The following TMEM117 variants were observed in gnomAD, a reference collection of about 807,000 sequenced individuals.
The protein encoded by TMEM117 is transmembrane protein 117.
In TMEM117, 27 loss-of-function variants were observed where a neutral mutation model predicts 52.4. The observed-to-expected ratio is 0.51, with a 90% CI of 0.38 to 0.71. TMEM117 has a LOEUF of 0.71. Ranked by LOEUF, TMEM117 falls within the 30% of genes least tolerant of loss-of-function variation. TMEM117 has a pLI of 0.00. For synonymous variants in TMEM117, 215 were observed against 206.3 expected (o/e 1.04, Z -0.36); for missense variants, 556 against 630.5 (o/e 0.88, Z 1.26).
chr12:43,812,802 C>G, the TMEM117 span, among the ~76,000 whole-genome samples: 3 of 149,416 alleles, frequency 2.0e-5, no homozygotes, highest in African/African-American at 7.4e-5. Context: ...GGAAGGAGTT[C>G]GAGACCAGCC....
At chr12:44,114,043 G>A (rs1349972106) in intron 3 of TMEM117, among the ~76,000 whole-genome samples, 1 of 148,104 alleles carries the variant, frequency 6.8e-6, no homozygotes, top group Non-Finnish European at 1.5e-5. Flanking sequence ...CCCAGGTGAG[G>A]CAATGCCTCG....
At chr12:44,192,033 A>G (rs1246485834) in intron 4 of TMEM117, among the ~76,000 whole-genome samples, 1 of 152,216 alleles carries the variant, frequency 6.6e-6, no homozygotes, top group East Asian at 1.9e-4. Flanking sequence ...ATTAAATTTA[A>G]TGTATAAGGG....
chr12:43,884,798 T>C (rs1943961424), intron 2 of TMEM117, among the ~76,000 whole-genome samples: 1 of 152,112 alleles, frequency 6.6e-6, no homozygotes, highest in Non-Finnish European at 1.5e-5. Context: ...TAACTCACAA[T>C]CTTCCTGCAT....
intron 2 of TMEM117, among the ~76,000 whole-genome samples, chr12:43,939,280 T>A (rs1040469896): frequency 3.3e-5 from 5 of 152,144 alleles, no homozygotes; most frequent in African/African-American, 1.2e-4. Context: ...GTTGGCCAAA[T>A]CATATATAGG....
chr12:44,323,743 A>G (rs1282136381), intron 6 of TMEM117, among the ~76,000 whole-genome samples: 1 of 152,162 alleles, frequency 6.6e-6, no homozygotes, highest in Non-Finnish European at 1.5e-5. Context: ...TAGATTTCTT[A>G]CCTTATCCCA....
Position 44,388,531 on chromosome 12 carries a change from C to T in TMEM117, c.1404C>T (p.Cys468=). ...CCTTGAATGACCCTTCTTTGGTTTG[C>T]ATCAGGTCTGACTTCAATGAGATCG... The part of the protein sequence containing the change: ...EDPLNDPSLV[C]IRSDFNEIVY... Residue 468 remains cysteine (C), a synonymous_variant, in exon 8 of 8, where the codon TGC becomes TGT. Transcript: ENST00000266534. 6.2e-7 allele frequency: 1 copy of T among 1,613,590 alleles called. No homozygotes were observed. Among genetic ancestry groups the T allele is most frequent in the East Asian group, 2.2e-5 (1 of 44,852 alleles).
chr12:43,865,446 C>T (rs1033933777), intron 2 of TMEM117, among the ~76,000 whole-genome samples: 1 of 152,114 alleles, frequency 6.6e-6, no homozygotes, highest in Non-Finnish European at 1.5e-5. Flanking sequence ...CCTGTAATCC[C>T]AGCACTTTGG....
At chr12:43,806,003 C>T in the TMEM117 span, 3 of 1,529,550 alleles carry the variant, frequency 2.0e-6, no homozygotes, top group African/African-American at 1.4e-5. Context: ...TCGGATCAAT[C>T]TGCAACGTGA....
intron 2 of TMEM117, among the ~76,000 whole-genome samples, chr12:43,848,723 G>A (rs1327276258): frequency 6.6e-6 from 1 of 152,164 alleles, no homozygotes; most frequent in African/African-American, 2.4e-5. Context: ...CTCAGCTTAC[G>A]AAGATAACAG....
intron 3 of TMEM117, among the ~76,000 whole-genome samples, chr12:44,070,905 A>T (rs1947291921): frequency 6.6e-6 from 1 of 152,098 alleles, no homozygotes; most frequent in Non-Finnish European, 1.5e-5. Context: ...GCAGGCAATG[A>T]AGAAAGCCAA....
At chr12:44,130,449 C>T (rs1948396048) in intron 3 of TMEM117, among the ~76,000 whole-genome samples, 1 of 152,144 alleles carries the variant, frequency 6.6e-6, no homozygotes. Context: ...ACCACTTATA[C>T]AACTTCTCTA....
chr12:44,263,727 T>C (rs911038687), intron 5 of TMEM117: 4 of 152,328 alleles, frequency 2.6e-5, no homozygotes, highest in Middle Eastern at 3.4e-3. Context: ...AGCCATTTGA[T>C]TGATCTGCCA....
At chr12:43,900,988 A>G (rs920085783) in intron 2 of TMEM117, among the ~76,000 whole-genome samples, 8 of 152,334 alleles carry the variant, frequency 5.3e-5, no homozygotes, top group African/African-American at 1.9e-4. Context: ...CATCATATAG[A>G]TAGTTGTACT....
At chr12:43,843,676 A>T (rs1052608520) in intron 1 of TMEM117, among the ~76,000 whole-genome samples, 5 of 152,192 alleles carry the variant, frequency 3.3e-5, no homozygotes, top group African/African-American at 1.2e-4. Context: ...TAGTAAAAAA[A>T]TTCTACTAAT....
intron 5 of TMEM117, among the ~76,000 whole-genome samples, chr12:44,290,502 T>A (rs949501445): frequency 9.9e-5 from 15 of 152,238 alleles, no homozygotes; most frequent in Admixed American, 3.3e-4. Flanking sequence ...TAGTTGACTG[T>A]CTATGTATGG....
At chr12:43,963,395 C>T (rs890541217) in intron 3 of TMEM117, among the ~76,000 whole-genome samples, 19 of 152,094 alleles carry the variant, frequency 1.2e-4, no homozygotes, top group African/African-American at 4.6e-4. Context: ...ACATTTTGAA[C>T]CCTACAGAGG....
At chr12:44,080,629 C>T (rs959773434) in intron 3 of TMEM117, among the ~76,000 whole-genome samples, 3 of 151,964 alleles carry the variant, frequency 2.0e-5, no homozygotes, top group Non-Finnish European at 4.4e-5. Flanking sequence ...CACATCTTGC[C>T]TCCTACCTGT....
rs1057022734 is a variant in TMEM117 at position 43,839,114 on chromosome 12, A to G, written c.-29+2918A>G. ...TTAGTTATTTTTGAATGTGTCCAGA[A>G]CCAGAGTTGTTTAAACTGCCTTAAT... On this transcript the variant is annotated intron_variant, in intron 1 of 7. Transcript: ENST00000266534. Among the ~76,000 whole-genome samples, 5 of 152,156 alleles carry G rather than the reference A, an allele frequency of 3.3e-5. No homozygotes were observed. The South Asian group carries it at 6.2e-4, about 19-fold the overall frequency.
Position 44,283,130 on chromosome 12 carries a change from A to G in TMEM117, c.609-16450A>G, listed in dbSNP as rs373954062. On this transcript the variant is annotated intron_variant, in intron 5 of 7. Transcript: ENST00000266534. Reference sequence around the variant, plus strand: ...TATGGAAATGCCTGGATTCCCAGGCAAAAGTTTGCTGCAGGGGCGAGGCCC... The same window carrying G: ...TATGGAAATGCCTGGATTCCCAGGCGAAAGTTTGCTGCAGGGGCGAGGCCC... 2.0e-4 allele frequency among the ~76,000 whole-genome samples: 30 copies of G among 152,368 alleles called. No homozygotes were observed. In the East Asian group the frequency reaches 5.4e-3, roughly 27 times the overall value.
Sources: gnomAD v4.1 joint callset for allele counts (sites outside exome capture counted in the v4.1 genomes callset) on GRCh38, gnomAD v4.1.1 for gene constraint, MANE v1.5 for transcripts, NCBI Gene and HGNC (gene_info 2026-07-23, HGNC 2026-07-21) for gene names.